The following CHRM3 variants were observed in gnomAD, a reference collection of about 807,000 sequenced individuals.
CHRM3 encodes the protein cholinergic receptor muscarinic 3.
A neutral mutation model predicts 41.8 loss-of-function variants in CHRM3; 11 were observed. The observed-to-expected ratio is 0.26, with a 90% CI of 0.17 to 0.44. The LOEUF is 0.44. CHRM3 is among the 20% of genes least tolerant of loss of function. CHRM3 has a pLI of 1.00. For missense variants in CHRM3, 571 were observed against 745.4 expected, an observed-to-expected ratio of 0.77 and a Z score of 2.72; for synonymous variants, 297 against 301.4, an observed-to-expected ratio of 0.99 and a Z score of 0.15.
At chr1:239,725,594 T>A (rs537120590) in intron 5 of CHRM3, among the ~76,000 whole-genome samples, 1 of 152,056 alleles carries the variant, frequency 6.6e-6, no homozygotes, top group East Asian at 2.0e-4. Flanking sequence ...ACAAGTGTGC[T>A]TAGAACAGGG....
At chr1:239,816,787 G>A (rs1319708781) in intron 5 of CHRM3, among the ~76,000 whole-genome samples, 2 of 147,606 alleles carry the variant, frequency 1.4e-5, no homozygotes, top group African/African-American at 2.5e-5. Context: ...CTGGTGTGCA[G>A]TGGCACGATC....
At chr1:239,701,511 T>C (rs12033242) in intron 5 of CHRM3, among the ~76,000 whole-genome samples, 7,775 of 152,318 alleles carry the variant, frequency 0.051, 225 homozygotes, top group East Asian at 0.076. Flanking sequence ...CTCCTTGTTG[T>C]CATGATTGAC....
intron 5 of CHRM3, among the ~76,000 whole-genome samples, chr1:239,741,336 C>G (rs1250050105): frequency 6.6e-6 from 1 of 152,132 alleles, no homozygotes; most frequent in Non-Finnish European, 1.5e-5. Context: ...CTCTGTGTCC[C>G]TGTGTCTTCA....
chr1:239,835,679 TTAGAA>T (rs1673254631), intron 6 of CHRM3, among the ~76,000 whole-genome samples: 1 of 152,162 alleles, frequency 6.6e-6, no homozygotes, highest in Non-Finnish European at 1.5e-5. Flanking sequence ...TTCGAATAGT[TTAGAA>T]TAGAAGACAT....
rs1673866979 is a variant in CHRM3 at position 239,666,947 on chromosome 1, C to T, written c.-249-11239C>T. Reference sequence around the variant, plus strand: ...TTGGGTTTCTGTTCTTTTGTTAATTCACTTAGAATAATGGCCTCCAGCTGC... The same window carrying T: ...TTGGGTTTCTGTTCTTTTGTTAATTTACTTAGAATAATGGCCTCCAGCTGC... On this transcript the variant is annotated intron_variant, in intron 4 of 6. Coordinates refer to ENST00000676153, the MANE Select transcript of CHRM3 (RefSeq NM_001375978.1). Among the ~76,000 whole-genome samples the T allele has an allele frequency of 1.3e-5, 2 of 152,252 alleles. 1 individual carries two copies. The highest frequency in any genetic ancestry group is 4.8e-5 in the African/African-American group (2 of 41,558).
At chr1:239,407,819 G>T (rs1660731650) in intron 1 of CHRM3, among the ~76,000 whole-genome samples, 1 of 152,068 alleles carries the variant, frequency 6.6e-6, no homozygotes, top group Non-Finnish European at 1.5e-5. Flanking sequence ...AATGCTCATT[G>T]ACTTAATTAT....
At chr1:239,842,740 G>T (rs1244167940) in intron 6 of CHRM3, among the ~76,000 whole-genome samples, 2 of 152,100 alleles carry the variant, frequency 1.3e-5, no homozygotes, top group African/African-American at 4.8e-5. Flanking sequence ...ACACATGCAT[G>T]CACGCACACA....
intron 5 of CHRM3, among the ~76,000 whole-genome samples, chr1:239,767,059 A>G (rs760603003): frequency 4.6e-5 from 7 of 152,224 alleles, no homozygotes; most frequent in Non-Finnish European, 1.0e-4. Context: ...AAATGTAGAC[A>G]GAAAGGATAT....
At chr1:239,672,091 T>A (rs936550782) in intron 4 of CHRM3, among the ~76,000 whole-genome samples, 6 of 152,148 alleles carry the variant, frequency 3.9e-5, no homozygotes, top group Admixed American at 3.3e-4. Context: ...CCATTTCACA[T>A]GTAGCCCTCT....
At chr1:239,878,053 G>A (rs113859747) in intron 6 of CHRM3, among the ~76,000 whole-genome samples, 6,775 of 151,750 alleles carry the variant, frequency 0.045, 218 homozygotes, top group Non-Finnish European at 0.067. Context: ...ACCACACCCG[G>A]CTAATTTTTT....
At chr1:239,853,564 T>G (rs1336962525) in intron 6 of CHRM3, among the ~76,000 whole-genome samples, 1 of 152,022 alleles carries the variant, frequency 6.6e-6, no homozygotes, top group Non-Finnish European at 1.5e-5. Flanking sequence ...TTAAGTAGAA[T>G]TTAACTGTTT....
chr1:239,794,793 C>T (rs904428350), intron 5 of CHRM3, among the ~76,000 whole-genome samples: 6 of 152,152 alleles, frequency 3.9e-5, no homozygotes, highest in South Asian at 4.1e-4. Context: ...ATTGATATAT[C>T]TCCATCCAAC....
At chr1:239,567,708 G>A (rs895620302) in intron 3 of CHRM3, among the ~76,000 whole-genome samples, 3 of 152,168 alleles carry the variant, frequency 2.0e-5, no homozygotes, top group Admixed American at 2.0e-4. Context: ...CCTGAAGCAT[G>A]GAGAGCACAT....
At chr1:239,621,336 A>G (rs1260485035) in intron 3 of CHRM3, among the ~76,000 whole-genome samples, 1 of 152,164 alleles carries the variant, frequency 6.6e-6, no homozygotes, top group Non-Finnish European at 1.5e-5. Flanking sequence ...AGGCCAATTA[A>G]TAGTCTTACA....
chr1:239,551,404 C>T (rs1659814769), intron 3 of CHRM3, among the ~76,000 whole-genome samples: 1 of 151,400 alleles, frequency 6.6e-6, no homozygotes, highest in African/African-American at 2.4e-5. Flanking sequence ...TCAGGTAATC[C>T]ACCCACCTCA....
At chr1:239,422,965 G>A (rs560438129) in intron 1 of CHRM3, among the ~76,000 whole-genome samples, 1 of 152,128 alleles carries the variant, frequency 6.6e-6, no homozygotes, top group Admixed American at 6.6e-5. Context: ...AATGATAGGA[G>A]AGGGCGGGCT....
At chr1:239,902,799 G>T (rs1444504109) in intron 6 of CHRM3, among the ~76,000 whole-genome samples, 2 of 152,096 alleles carry the variant, frequency 1.3e-5, no homozygotes, top group African/African-American at 2.4e-5. Context: ...CTTGTCCTTT[G>T]GATGTTGTAT....
chr1:239,454,094 G>T (rs796255569), intron 1 of CHRM3, among the ~76,000 whole-genome samples: 11 of 152,068 alleles, frequency 7.2e-5, no homozygotes, highest in African/African-American at 2.7e-4. Context: ...CTGACTGGGG[G>T]CCCTACAATT....
chr1:239,677,498 A>G (rs902572057), intron 4 of CHRM3, among the ~76,000 whole-genome samples: 4 of 152,152 alleles, frequency 2.6e-5, no homozygotes, highest in Non-Finnish European at 4.4e-5. Context: ...TTGCCTTGCA[A>G]TTTTGGGGGC....
Sources: gnomAD v4.1 joint callset for allele counts (sites outside exome capture counted in the v4.1 genomes callset) on GRCh38, gnomAD v4.1.1 for gene constraint, MANE v1.5 for transcripts, NCBI Gene and HGNC (gene_info 2026-07-23, HGNC 2026-07-21) for gene names.